Variants in MAP1B observed in about 807,000 individuals in gnomAD.
MAP1B encodes microtubule-associated protein 1B.
In MAP1B, 12 loss-of-function variants were observed where a neutral mutation model predicts 176.1. That is an observed-to-expected ratio of 0.07 (90% CI 0.04 to 0.11). The LOEUF is 0.11. Among genes scored for constraint, MAP1B ranks in the 10% least tolerant of loss-of-function variants. The pLI is 1.00. For synonymous variants in MAP1B, 1,044 were observed against 1,135.0 expected, an observed-to-expected ratio of 0.92 and a Z score of 1.61; for missense variants, 2,523 against 2,990.5, an observed-to-expected ratio of 0.84 and a Z score of 3.65.
intron 2 of MAP1B, among the ~76,000 whole-genome samples, chr5:72,124,524 G>A (rs1745588516): frequency 1.3e-5 from 2 of 152,182 alleles, no homozygotes; most frequent in South Asian, 4.1e-4. Context: ...ATTGAATGTG[G>A]CTCCTCTCTG....
At chr5:72,108,928 T>G (rs1233278255) in intron 1 of MAP1B, among the ~76,000 whole-genome samples, 1 of 152,196 alleles carries the variant, frequency 6.6e-6, no homozygotes, top group Non-Finnish European at 1.5e-5. Context: ...TCTATTCTCC[T>G]GGGGTGGTGC....
At chr5:72,158,098 C>T (rs1746260864) in intron 2 of MAP1B, among the ~76,000 whole-genome samples, 1 of 151,578 alleles carries the variant, frequency 6.6e-6, no homozygotes, top group African/African-American at 2.4e-5. Flanking sequence ...GGCTCCGCCC[C>T]CCGGGGTTCA....
intron 2 of MAP1B, among the ~76,000 whole-genome samples, chr5:72,163,577 G>A (rs920257619): frequency 2.6e-5 from 4 of 152,188 alleles, no homozygotes; most frequent in African/African-American, 9.7e-5. Flanking sequence ...CTTGAGATGA[G>A]CTCATTTAAT....
intron 2 of MAP1B, among the ~76,000 whole-genome samples, chr5:72,180,121 C>T (rs551333285): frequency 2.0e-5 from 3 of 152,132 alleles, no homozygotes; most frequent in Admixed American, 6.5e-5. Context: ...GTGCAGCTAG[C>T]GGGCTCAGGG....
chr5:72,107,779 G>A (rs2112102240), intron 1 of MAP1B, 64 bp downstream of exon 1: 2 of 1,558,186 alleles, frequency 1.3e-6, no homozygotes, highest in South Asian at 1.1e-5. Context: ...CCCACCCAGG[G>A]CGCGACGGTC....
chr5:72,152,300 A>G (rs2112167669), intron 2 of MAP1B, among the ~76,000 whole-genome samples: 1 of 152,266 alleles, frequency 6.6e-6, no homozygotes, highest in Admixed American at 6.5e-5. Flanking sequence ...AGCTCTTTGA[A>G]ATAAATGGGA....
rs1467049802 is a variant in MAP1B, at chr5:72,203,886, C to T, written c.7251+85C>T. 9 of 1,263,682 alleles carry T rather than the reference C, an allele frequency of 7.1e-6. 1 individual carries two copies. The South Asian group carries it at 7.7e-5, about 11-fold the overall frequency. 78.3% of individuals were successfully genotyped at this position (1,263,682 alleles called of 1,614,324 possible). Reference sequence around the variant, plus strand: ...AGGAACCATGTTTAAAGAGGCACCTCATGTGGCTGATCGTGGATCCACATG... The same window carrying T: ...AGGAACCATGTTTAAAGAGGCACCTTATGTGGCTGATCGTGGATCCACATG... On this transcript the variant is annotated intron_variant, in intron 6 of 6. Transcript: ENST00000296755.
At chr5:72,142,459 A>G (rs1745964142) in intron 2 of MAP1B, among the ~76,000 whole-genome samples, 2 of 152,194 alleles carry the variant, frequency 1.3e-5, no homozygotes, top group African/African-American at 4.8e-5. Flanking sequence ...TCACCAGGAA[A>G]GAGATGGGGA....
At chr5:72,188,527 A>C (rs1246144081) in intron 4 of MAP1B, among the ~76,000 whole-genome samples, 1 of 152,216 alleles carries the variant, frequency 6.6e-6, no homozygotes, top group Non-Finnish European at 1.5e-5. Context: ...GAAATATGTA[A>C]AGAAAAGTGT....
At chr5:72,161,467 C>A (rs963273310) in intron 2 of MAP1B, among the ~76,000 whole-genome samples, 1 of 152,186 alleles carries the variant, frequency 6.6e-6, no homozygotes, top group African/African-American at 2.4e-5. Context: ...CTGTGAGACT[C>A]TTTTCAACCC....
intron 2 of MAP1B, among the ~76,000 whole-genome samples, chr5:72,177,550 G>T (rs982835860): frequency 2.0e-5 from 3 of 152,178 alleles, no homozygotes; most frequent in Non-Finnish European, 4.4e-5. Flanking sequence ...TGGAAGAAAA[G>T]GTTCACTACA....
At chr5:72,177,664 G>A (rs1406627768) in intron 2 of MAP1B, among the ~76,000 whole-genome samples, 1 of 152,190 alleles carries the variant, frequency 6.6e-6, no homozygotes, top group East Asian at 1.9e-4. Context: ...TCTGCAGAAA[G>A]GAGGCCTGGA....
At chr5:72,136,979 T>G (rs1207333749) in intron 2 of MAP1B, among the ~76,000 whole-genome samples, 2 of 152,246 alleles carry the variant, frequency 1.3e-5, no homozygotes, top group Non-Finnish European at 2.9e-5. Flanking sequence ...CTGCATCTTC[T>G]TCCACCCTAT....
Position 72,107,732 on chromosome 5 carries a change from C to T in MAP1B, c.184+17C>T. 1.9e-6 allele frequency: 3 copies of T among 1,597,548 alleles called. No homozygotes were observed. Among genetic ancestry groups the T allele is most frequent in the Non-Finnish European group, 1.7e-6 (2 of 1,179,062 alleles). On this transcript the variant is annotated intron_variant, in intron 1 of 6. Coordinates refer to ENST00000296755, the MANE Select transcript of MAP1B (RefSeq NM_005909.5). ...TCGAGCTCGGTAAGTGGCCCCGCGC[C>T]CCCAGAGACGCGCGCTGGGAGACGC...
intron 2 of MAP1B, among the ~76,000 whole-genome samples, chr5:72,151,996 TAC>T (rs1746149180): frequency 6.6e-6 from 1 of 152,240 alleles, no homozygotes; most frequent in African/African-American, 2.4e-5. Context: ...ATAACCGTGC[TAC>T]TTTTTATCAA....
Position 72,199,408 on chromosome 5 carries a change from C to T in MAP1B, c.6053C>T (p.Pro2018Leu), listed in dbSNP as rs1188251248. ...ACCACTGAGAAAATTACCAGTTTCC[C>T]TGAGTCTGAAGGTTATTCCTATGAG... Reference protein sequence around the residue: ...YETTEKITSFPESEGYSYETS... With the variant: ...YETTEKITSFLESEGYSYETS... The change falls in exon 5 of 7, where the codon CCT becomes CTT. Residue 2018 changes from proline to leucine, a missense_variant. By Grantham distance (98) the Pro-to-Leu change is moderately conservative. Around this residue, in one of 4 missense-constraint regions of MAP1B, gnomAD observed 1,925 missense variants for 2,126.0 expected, o/e 0.91. Transcript: ENST00000296755. The surrounding 1 kb of genome is among the most constrained non-coding windows in gnomAD (Gnocchi z 4.2). The T allele has an allele frequency of 1.2e-6, 2 of 1,614,156 alleles. No individual in the cohort carries two copies. Among genetic ancestry groups the T allele is most frequent in the Non-Finnish European group, 1.7e-6 (2 of 1,180,026 alleles).
intron 2 of MAP1B, among the ~76,000 whole-genome samples, chr5:72,178,014 A>AT (rs1209163559): frequency 1.4e-5 from 2 of 142,208 alleles, no homozygotes; most frequent in South Asian, 2.2e-4. Flanking sequence ...TTCATTTTTT[A>AT]TTTTTTGAGG....
At chr5:72,161,956 C>CA (rs4043357) in intron 2 of MAP1B, among the ~76,000 whole-genome samples, 11,909 of 84,756 alleles carry the variant, frequency 0.14, 723 homozygotes, top group Non-Finnish European at 0.15. Context: ...AATTCCGTCT[C>CA]AAAAAAAAAA....
chr5:72,115,133 G>T (rs565112965), intron 1 of MAP1B, among the ~76,000 whole-genome samples: 20 of 152,214 alleles, frequency 1.3e-4, no homozygotes, highest in African/African-American at 4.8e-4. Flanking sequence ...CATAAATCTT[G>T]GATTGATATC....
Sources: gnomAD v4.1 joint callset for allele counts (sites outside exome capture counted in the v4.1 genomes callset) on GRCh38, gnomAD v4.1.1 for gene constraint, gnomAD v4.1.1 regional missense constraint, Gnocchi (gnomAD v3.1) non-coding constraint, MANE v1.5 for transcripts, NCBI Gene and HGNC (gene_info 2026-07-23, HGNC 2026-07-21) for gene names.